The following EPHB2 variants were observed in gnomAD, a reference collection of about 807,000 sequenced individuals.
The protein encoded by EPHB2 is ephrin type-B receptor 2.
In EPHB2, 18 loss-of-function variants were observed where a neutral mutation model predicts 96.4. The observed-to-expected ratio is 0.19, with a 90% CI of 0.13 to 0.28. The LOEUF is 0.28. EPHB2 is among the 10% of genes least tolerant of loss of function. EPHB2 has a pLI of 1.00. For missense variants in EPHB2, 989 were observed against 1,355.4 expected (o/e 0.73, Z 4.25); for synonymous variants, 506 against 534.1 (o/e 0.95, Z 0.72).
chr1:22,730,379 G>T (rs1643681265), intron 1 of EPHB2, among the ~76,000 whole-genome samples: 1 of 152,204 alleles, frequency 6.6e-6, no homozygotes, highest in African/African-American at 2.4e-5. Flanking sequence ...TGGGGGTCTT[G>T]ACATCCCAAG....
At chr1:22,728,572 A>T (rs1010466103) in intron 1 of EPHB2, among the ~76,000 whole-genome samples, 13 of 152,148 alleles carry the variant, frequency 8.5e-5, no homozygotes, top group African/African-American at 3.1e-4. Context: ...TGCTGGATAG[A>T]CCATGTCTCT....
At chr1:22,781,043 G>C (rs529304508) in intron 1 of EPHB2, among the ~76,000 whole-genome samples, 1 of 152,034 alleles carries the variant, frequency 6.6e-6, no homozygotes, top group East Asian at 1.9e-4. Flanking sequence ...GGGTCTGGCC[G>C]GGCACGGTGG....
intron 5 of EPHB2, among the ~76,000 whole-genome samples, chr1:22,878,024 T>C (rs1455689779): frequency 2.0e-5 from 3 of 152,222 alleles, no homozygotes; most frequent in Admixed American, 1.3e-4. Context: ...TCTACAATTG[T>C]CCTTTGTTGG....
At chr1:22,764,040 C>T (rs187545430) in intron 1 of EPHB2, among the ~76,000 whole-genome samples, 25 of 152,320 alleles carry the variant, frequency 1.6e-4, no homozygotes, top group Admixed American at 1.6e-3. Context: ...CCACATCTCA[C>T]GATTCCTAAT....
chr1:22,734,327 G>A (rs1235198437), intron 1 of EPHB2, among the ~76,000 whole-genome samples: 4 of 152,092 alleles, frequency 2.6e-5, no homozygotes, highest in Non-Finnish European at 1.5e-5. Context: ...ACATCCTTGT[G>A]AGACAGTTAG....
chr1:22,844,906 C>T (rs570211130), intron 3 of EPHB2, among the ~76,000 whole-genome samples: 1 of 152,176 alleles, frequency 6.6e-6, no homozygotes, highest in Non-Finnish European at 1.5e-5. Flanking sequence ...GTACTCGGGC[C>T]CTGGAACCAG....
intron 5 of EPHB2, among the ~76,000 whole-genome samples, chr1:22,871,334 G>A (rs765527137): frequency 2.0e-5 from 3 of 152,130 alleles, no homozygotes; most frequent in Non-Finnish European, 4.4e-5. Context: ...CCCAGCCTTT[G>A]AGGCCCCCTG....
chr1:22,910,997 G>A (rs1429824375), intron 14 of EPHB2, among the ~76,000 whole-genome samples: 1 of 151,984 alleles, frequency 6.6e-6, no homozygotes, highest in African/African-American at 2.4e-5. Flanking sequence ...AAATTAGCCA[G>A]CCCCTGGTGG....
chr1:22,890,712 A>T (rs1357101716), intron 6 of EPHB2, among the ~76,000 whole-genome samples: 1 of 152,096 alleles, frequency 6.6e-6, no homozygotes, highest in Non-Finnish European at 1.5e-5. Context: ...AGTAGGAGGT[A>T]ATTGAATCAC....
At position 22,913,057 on chromosome 1, in the gene EPHB2, G is replaced by T. The variant is rs1007636866; in HGVS notation, c.2853-405G>T. The T allele has an allele frequency of 6.5e-5, 23 of 354,954 alleles. No individual in the cohort carries two copies. Among genetic ancestry groups the T allele is most frequent in the African/African-American group, 4.7e-4 (22 of 47,290 alleles). 22.0% of individuals were successfully genotyped at this position (354,954 alleles called of 1,614,324 possible). On this transcript the variant is annotated intron_variant, in intron 15 of 15. Coordinates refer to ENST00000374630, the MANE Select transcript of EPHB2 (RefSeq NM_017449.5). The surrounding 1 kb of genome is among the most constrained non-coding windows in gnomAD (Gnocchi z 4.1). ...AAATGCAAAAAATTAGCCACGCAAG[G>T]TGGCATGCACCTGTAATGCCAGCTA...
At chr1:22,791,229 TC>T (rs1243873315) in intron 3 of EPHB2, among the ~76,000 whole-genome samples, 3 of 152,120 alleles carry the variant, frequency 2.0e-5, no homozygotes, top group Admixed American at 6.5e-5. Flanking sequence ...AAATAACTTT[TC>T]CTTATCACAA....
chr1:22,910,534 C>A lies in EPHB2; in HGVS notation c.2655C>A (p.Arg885=). The change falls in exon 14 of 16, where the codon CGC becomes CGA. Residue 885 remains arginine (R), a synonymous_variant. Transcript: ENST00000374630. ...QIVNTLDKMI[R]NPNSLKAMAP... is the part of the protein sequence containing the mutation. Reference sequence around the variant, plus strand: ...TCAACACGCTAGACAAGATGATCCGCAATCCCAACAGCCTCAAAGCCATGG... The same window carrying A: ...TCAACACGCTAGACAAGATGATCCGAAATCCCAACAGCCTCAAAGCCATGG... 6.2e-7 allele frequency: 1 copy of A among 1,613,124 alleles called. No individual in the cohort carries two copies. Among genetic ancestry groups the A allele is most frequent in the Non-Finnish European group, 8.5e-7 (1 of 1,180,036 alleles).
At position 22,875,335 on chromosome 1, in the gene EPHB2, G is replaced by C. The variant is rs1460770133; in HGVS notation, c.1304-7024G>C. Reference sequence around the variant, plus strand: ...GTCCCGTCCCAAGTAAACTGTCCCTGCTACAGACCCTGGAGAGGACTAGCG... The same window carrying C: ...GTCCCGTCCCAAGTAAACTGTCCCTCCTACAGACCCTGGAGAGGACTAGCG... On this transcript the variant is annotated intron_variant, in intron 5 of 15. Coordinates refer to ENST00000374630, the MANE Select transcript of EPHB2 (RefSeq NM_017449.5). This position sits in a 1 kb window ranked among gnomAD's most constrained non-coding sequence, Gnocchi z 4.2. 6.6e-6 allele frequency among the ~76,000 whole-genome samples: 1 copy of C among 152,210 alleles called. No individual in the cohort carries two copies. Among genetic ancestry groups the C allele is most frequent in the East Asian group, 1.9e-4 (1 of 5,202 alleles).
intron 8 of EPHB2, among the ~76,000 whole-genome samples, chr1:22,895,863 G>A (rs986533933): frequency 2.6e-5 from 4 of 152,242 alleles, no homozygotes; most frequent in Admixed American, 6.5e-5. Context: ...ATTGCAGGAT[G>A]CTAGGAGTTT....
At chr1:22,781,722 A>G (rs1016283003) in intron 2 of EPHB2, among the ~76,000 whole-genome samples, 3 of 152,104 alleles carry the variant, frequency 2.0e-5, no homozygotes, top group Non-Finnish European at 2.9e-5. Context: ...ATCCCGTGGA[A>G]TCCTTAGGGC....
intron 3 of EPHB2, among the ~76,000 whole-genome samples, chr1:22,850,884 G>A (rs1645616403): frequency 6.6e-6 from 1 of 152,254 alleles, no homozygotes; most frequent in South Asian, 2.1e-4. Context: ...CAGCCAAGAG[G>A]TCAGTGTGGC....
chr1:22,751,208 G>A (rs571183896), intron 1 of EPHB2, among the ~76,000 whole-genome samples: 1 of 152,304 alleles, frequency 6.6e-6, no homozygotes, highest in East Asian at 1.9e-4. Flanking sequence ...AGAGGGGATG[G>A]GACCTAGCAG....
intron 1 of EPHB2, among the ~76,000 whole-genome samples, chr1:22,753,364 G>A (rs1027988520): frequency 2.6e-5 from 4 of 152,204 alleles, no homozygotes; most frequent in African/African-American, 4.8e-5. Flanking sequence ...ATCCTGGCCC[G>A]TGCTGGACAC....
At chr1:22,715,395 G>A (rs952334120) in intron 1 of EPHB2, among the ~76,000 whole-genome samples, 2 of 152,050 alleles carry the variant, frequency 1.3e-5, no homozygotes, top group African/African-American at 4.8e-5. Flanking sequence ...GGGGGTGGGG[G>A]AAGCCTGCCT....
Sources: allele counts gnomAD v4.1 joint callset (sites outside exome capture counted in the v4.1 genomes callset), GRCh38; gene constraint gnomAD v4.1.1; non-coding constraint Gnocchi (gnomAD v3.1); transcripts MANE v1.5; gene names NCBI Gene and HGNC (gene_info 2026-07-23, HGNC 2026-07-21).